Variants in MAPKAPK3 observed in about 807,000 individuals in gnomAD.
MAPKAPK3 encodes MAPK activated protein kinase 3.
Under a neutral mutation model 49.2 loss-of-function variants are expected in MAPKAPK3, and 35 were observed. The observed-to-expected ratio is 0.71, with a 90% CI of 0.54 to 0.94. MAPKAPK3 has a LOEUF of 0.94. MAPKAPK3 is among the 40% of genes least tolerant of loss of function. The pLI, the probability that MAPKAPK3 is intolerant of heterozygous loss-of-function variation, is 0.00. For missense variants in MAPKAPK3, 398 were observed against 493.1 expected, an observed-to-expected ratio of 0.81 and a Z score of 1.83; for synonymous variants, 178 against 188.7, an observed-to-expected ratio of 0.94 and a Z score of 0.46.
intron 2 of MAPKAPK3, among the ~76,000 whole-genome samples, chr3:50,631,784 T>C (rs2107585975): frequency 6.6e-6 from 1 of 152,354 alleles, no homozygotes; most frequent in Middle Eastern, 3.4e-3. Flanking sequence ...TCTGTAAGAA[T>C]AGGGGTTCCC....
At chr3:50,640,556 C>A in intron 3 of MAPKAPK3, 51 bp downstream of exon 3, 1 of 1,551,842 alleles carries the variant, frequency 6.4e-7, no homozygotes, top group Admixed American at 1.9e-5. Flanking sequence ...CTGTGGCCCT[C>A]AGGCTCCCTG....
chr3:50,637,556 C>T (rs1201679120), intron 2 of MAPKAPK3, among the ~76,000 whole-genome samples: 4 of 150,494 alleles, frequency 2.7e-5, no homozygotes, highest in African/African-American at 7.4e-5. Flanking sequence ...GACGTGAACC[C>T]GGGAGGCGGA....
At chr3:50,634,872 G>A (rs780395303) in intron 2 of MAPKAPK3, among the ~76,000 whole-genome samples, 2 of 152,218 alleles carry the variant, frequency 1.3e-5, no homozygotes, top group African/African-American at 2.4e-5. Context: ...AGTGGGCTCA[G>A]GCATGTGGAT....
intron 2 of MAPKAPK3, among the ~76,000 whole-genome samples, chr3:50,624,278 CGTGTGTGT>C (rs67821486): frequency 1.3e-5 from 2 of 149,928 alleles, no homozygotes; most frequent in African/African-American, 4.9e-5. Flanking sequence ...TGTGCACTCA[CGTGTGTGT>C]GTGTGTGTGT....
At chr3:50,633,442 AC>A (rs2032963137) in intron 2 of MAPKAPK3, among the ~76,000 whole-genome samples, 1 of 151,660 alleles carries the variant, frequency 6.6e-6, no homozygotes, top group Admixed American at 6.6e-5. Flanking sequence ...ACACACACAC[AC>A]CCACATGCCC....
chr3:50,642,418 G>A (rs2033197963), intron 5 of MAPKAPK3, 86 bp downstream of exon 5: 2 of 965,328 alleles, frequency 2.1e-6, no homozygotes, highest in Admixed American at 3.6e-5. Context: ...GGACCCACTG[G>A]ATGGAGGCCA....
At chr3:50,618,917 T>A (rs1439722891) in intron 2 of MAPKAPK3, among the ~76,000 whole-genome samples, 2 of 152,152 alleles carry the variant, frequency 1.3e-5, no homozygotes, top group African/African-American at 4.8e-5. Flanking sequence ...TCTCGATCTC[T>A]TGACCTCGTG....
upstream of MAPKAPK3, chr3:50,611,659 G>A (rs1412327613): frequency 2.7e-6 from 4 of 1,487,538 alleles, no homozygotes; most frequent in Non-Finnish European, 3.6e-6. Context: ...ATGTCCCCGC[G>A]GCAGCGGCGA....
intron 2 of MAPKAPK3, among the ~76,000 whole-genome samples, chr3:50,626,791 C>T (rs1038548594): frequency 3.9e-5 from 6 of 152,158 alleles, no homozygotes; most frequent in African/African-American, 1.2e-4. Flanking sequence ...CCCAGGGTCA[C>T]GTAGTATGGA....
chr3:50,617,654 G>C lies in MAPKAPK3; in HGVS notation c.89G>C (p.Gly30Ala), dbSNP rs1027886642. Residue 30 changes from glycine to alanine, a missense_variant, in exon 2 of 11, where the codon GGG becomes GCG. Physicochemically the swap from Gly to Ala is moderately conservative, Grantham distance 60. Around this residue, in one of 5 missense-constraint regions of MAPKAPK3, gnomAD observed 123 missense variants for 117.7 expected, o/e 1.04. Transcript: ENST00000621469. Reference sequence around the variant, plus strand: ...CCCGGCTTGGGCGGTGCTCCGGGGGGGCGGCGGGAGCCCAAGAAGTACGCA... The same window carrying C: ...CCCGGCTTGGGCGGTGCTCCGGGGGCGCGGCGGGAGCCCAAGAAGTACGCA... ...GGPGLGGAPG[G>A]RREPKKYAVT... 8.1e-6 allele frequency: 13 copies of C among 1,610,470 alleles called. No individual in the cohort carries two copies. Among genetic ancestry groups the C allele is most frequent in the Non-Finnish European group, 1.1e-5 (13 of 1,177,614 alleles).
intron 10 of MAPKAPK3, 33 bp from the exon 11 acceptor site, chr3:50,647,861 C>T: frequency 1.3e-5 from 21 of 1,595,692 alleles, no homozygotes; most frequent in Non-Finnish European, 1.7e-5. Context: ...TACATCCTGA[C>T]CTCTTAGTGC....
chr3:50,646,163 A>T lies in MAPKAPK3; in HGVS notation c.728A>T (p.Tyr243Phe). 1 of 1,613,480 alleles carries T rather than the reference A, an allele frequency of 6.2e-7. No homozygotes were observed. Among genetic ancestry groups the T allele is most frequent in the Non-Finnish European group, 8.5e-7 (1 of 1,179,848 alleles). The change falls in exon 8 of 11, where the codon TAC (tyrosine) becomes TTC (phenylalanine). Residue 243 changes from tyrosine (Y) to phenylalanine (F), a missense_variant. Around this residue, in one of 5 missense-constraint regions of MAPKAPK3, gnomAD observed 152 missense variants for 177.3 expected, o/e 0.86. Transcript: ENST00000621469. Reference protein sequence around the residue: ...YILLCGFPPFYSNTGQAISPG... With the variant: ...YILLCGFPPFFSNTGQAISPG... ...AGCCTTTGTGGCTTCCCACCCTTCT[A>T]CTCCAACACGGGCCAGGCCATCTCC...
chr3:50,617,508 C>A lies in MAPKAPK3; in HGVS notation c.-52-6C>A. The stretch of plus-strand genomic sequence containing the variant: ...GGGCGGGACTCACTCTTCCCCTTTC[C>A]CCCAGGTGCCACTAGAAGCGCCAGG... On this transcript the variant is annotated splice_region_variant and splice_polypyrimidine_tract_variant and intron_variant, in intron 1 of 10. Transcript: ENST00000621469. 1.2e-6 allele frequency: 1 copy of A among 825,790 alleles called. No homozygotes were observed. The allele number at this position is 825,790 out of a possible 1,614,324, so 51.2% of individuals were successfully genotyped here.
chr3:50,647,741 T>C (rs2033337633), intron 10 of MAPKAPK3, among the ~76,000 whole-genome samples, 153 bp from the exon 11 acceptor site: 1 of 152,376 alleles, frequency 6.6e-6, no homozygotes, highest in South Asian at 2.1e-4. Context: ...GATCATGTGA[T>C]GCAAAGGGCT....
At chr3:50,611,741 G>C (rs1037287321), upstream of MAPKAPK3, 4 of 1,390,960 alleles carry the variant, frequency 2.9e-6, no homozygotes, top group Non-Finnish European at 3.7e-6. Flanking sequence ...GTGCTGGGTA[G>C]GCTCCCGGGG....
chr3:50,624,079 G>T (rs1241864136), intron 2 of MAPKAPK3, among the ~76,000 whole-genome samples: 1 of 152,280 alleles, frequency 6.6e-6, no homozygotes, highest in Admixed American at 6.5e-5. Flanking sequence ...GACAAGTGCA[G>T]CTGGGCAGAG....
chr3:50,624,457 T>C (rs1307070100), intron 2 of MAPKAPK3, among the ~76,000 whole-genome samples: 2 of 152,164 alleles, frequency 1.3e-5, no homozygotes, highest in Non-Finnish European at 2.9e-5. Flanking sequence ...ACTGGGAAGC[T>C]GAGGGAGGAC....
chr3:50,626,821 C>T (rs1222684019), intron 2 of MAPKAPK3, among the ~76,000 whole-genome samples: 1 of 152,186 alleles, frequency 6.6e-6, no homozygotes, highest in Non-Finnish European at 1.5e-5. Context: ...GTGCTGGAAC[C>T]CAGGCCTGGC....
chr3:50,614,546 A>C (rs891343888), upstream of MAPKAPK3, among the ~76,000 whole-genome samples: 6 of 116,098 alleles, frequency 5.2e-5, no homozygotes, highest in African/African-American at 2.4e-4. Flanking sequence ...TGTGTGTAGG[A>C]TTTAGCCCCC....
Sources: allele counts gnomAD v4.1 joint callset (sites outside exome capture counted in the v4.1 genomes callset), GRCh38; gene constraint gnomAD v4.1.1; regional missense constraint gnomAD v4.1.1; transcripts MANE v1.5; gene names NCBI Gene and HGNC (gene_info 2026-07-23, HGNC 2026-07-21).